The following RANBP17 variants were observed in gnomAD, a reference collection of about 807,000 sequenced individuals.
RANBP17 encodes RAN binding protein 17, also known as ran-binding protein 17.
In RANBP17, 158 loss-of-function variants were observed where a neutral mutation model predicts 141.2. The ratio of observed to expected loss-of-function variants is 1.12; its 90% CI spans 0.98 to 1.28. The LOEUF is 1.28. RANBP17 is among the 50% of genes most tolerant of loss of function. The probability of loss-of-function intolerance (pLI) is 0.00; values close to 1 mark genes in which losing one functional copy is unlikely to be tolerated. For synonymous variants in RANBP17, 430 were observed against 450.0 expected, an observed-to-expected ratio of 0.96 and a Z score of 0.56; for missense variants, 1,438 against 1,290.7, an observed-to-expected ratio of 1.11 and a Z score of -1.75.
intron 14 of RANBP17, among the ~76,000 whole-genome samples, chr5:171,130,121 A>C (rs970427998): frequency 2.6e-5 from 4 of 152,184 alleles, no homozygotes; most frequent in Non-Finnish European, 5.9e-5. Flanking sequence ...TGGAAGAACT[A>C]TATCATTGTT....
rs1340791805 is a variant in RANBP17, at chr5:171,180,181, A to G, written c.1866-2986A>G. Among the ~76,000 whole-genome samples the G allele has an allele frequency of 2.0e-5, 3 of 152,330 alleles. No homozygotes were observed. The East Asian group carries it at 5.8e-4, about 29-fold the overall frequency. ...TTAATGAATTGGTCCCTCCTAAAAT[A>G]AAATGTTTCCCTGTCCCTTCTGGGA... On this transcript the variant is annotated intron_variant, in intron 16 of 27. Coordinates refer to ENST00000523189, the MANE Select transcript of RANBP17 (RefSeq NM_022897.5).
rs1775594287 is a variant in RANBP17, at chr5:170,955,588, A to ATATATATATATATATGCTCAGTG, written c.1574+1901_1574+1902insGCTCAGTGTATATATATATATAT. 8.0e-5 allele frequency among the ~76,000 whole-genome samples: 6 copies of ATATATATATATATATGCTCAGTG among 74,870 alleles called. 1 individual carries two copies. Among genetic ancestry groups the ATATATATATATATATGCTCAGTG allele is most frequent in the Admixed American group, 2.9e-4 (2 of 6,942 alleles). 49.1% of individuals were successfully genotyped at this position (74,870 alleles called of 152,430 possible). On this transcript the variant is annotated intron_variant, in intron 13 of 27. Coordinates refer to ENST00000523189, the MANE Select transcript of RANBP17 (RefSeq NM_022897.5). ...ATATATGCTCAGTCTGTGTGTATATATATATATATATATATATATATGCTC... is the reference window on the plus strand; with the variant it reads ...ATATATGCTCAGTCTGTGTGTATATATATATATATATATATGCTCAGTGTATATATATATATATATATATGCTC...
chr5:171,138,915 A>G (rs1340857464), intron 14 of RANBP17, among the ~76,000 whole-genome samples: 4 of 152,038 alleles, frequency 2.6e-5, no homozygotes, highest in Non-Finnish European at 1.5e-5. Flanking sequence ...ATCTCTGCAA[A>G]AAATGGAAAA....
chr5:170,937,365 C>T (rs1040691278), intron 12 of RANBP17, among the ~76,000 whole-genome samples: 1 of 152,108 alleles, frequency 6.6e-6, no homozygotes, highest in African/African-American at 2.4e-5. Flanking sequence ...GGGTGTAACT[C>T]TTTGCATCAG....
At chr5:171,032,784 C>G (rs866626384) in intron 14 of RANBP17, among the ~76,000 whole-genome samples, 101 of 152,148 alleles carry the variant, frequency 6.6e-4, no homozygotes, top group African/African-American at 1.9e-3. Context: ...TCTCAAATTG[C>G]TTGCTTGCTA....
In RANBP17 at chr5:170,975,389, C is replaced by T. The variant is rs375304150; in HGVS notation, c.1710+7012C>T. ...ACTAAAAATACAAAATTTAGCCAGG[C>T]GTGGTGGCACGTGCCTGTAATCTCA... On this transcript the variant is annotated intron_variant, in intron 14 of 27. Coordinates refer to ENST00000523189, the MANE Select transcript of RANBP17 (RefSeq NM_022897.5). 4.2e-4 allele frequency among the ~76,000 whole-genome samples: 64 copies of T among 152,166 alleles called. 2 individuals carry two copies. The South Asian group carries it at 0.013, about 30-fold the overall frequency.
rs560725550 is a variant in RANBP17 at position 171,025,910 on chromosome 5, T to G, written c.1710+57533T>G. Among the ~76,000 whole-genome samples the G allele has an allele frequency of 2.0e-5, 3 of 152,294 alleles. No individual in the cohort carries two copies. The East Asian group carries it at 5.8e-4, about 29-fold the overall frequency. On this transcript the variant is annotated intron_variant, in intron 14 of 27. Transcript: ENST00000523189. Reference sequence around the variant, plus strand: ...GCCTATCCTTAGTCTTAAGTGCACTTATTACATCTGTGATTAATCACAACT... The same window carrying G: ...GCCTATCCTTAGTCTTAAGTGCACTGATTACATCTGTGATTAATCACAACT...
At chr5:171,107,418 C>A (rs1754928988) in intron 14 of RANBP17, among the ~76,000 whole-genome samples, 1 of 152,136 alleles carries the variant, frequency 6.6e-6, no homozygotes, top group Non-Finnish European at 1.5e-5. Flanking sequence ...TGAGTGCAAG[C>A]AACAAAGTTT....
At chr5:171,297,160 T>C (rs1454625672) in intron 27 of RANBP17, among the ~76,000 whole-genome samples, 1 of 152,198 alleles carries the variant, frequency 6.6e-6, no homozygotes, top group Non-Finnish European at 1.5e-5. Context: ...GGTATCTCAG[T>C]TGCCAATGAG....
intron 1 of RANBP17, 53 bp downstream of exon 1, chr5:170,862,104 G>C: frequency 7.0e-7 from 1 of 1,425,192 alleles, no homozygotes; most frequent in South Asian, 1.4e-5. Flanking sequence ...GGAACCCGGC[G>C]GGACGCGTCT....
intron 14 of RANBP17, among the ~76,000 whole-genome samples, chr5:171,093,895 A>G (rs1786491633): frequency 6.6e-6 from 1 of 152,224 alleles, no homozygotes. Context: ...TGAGGTAATG[A>G]ATGTAAAATA....
intron 14 of RANBP17, among the ~76,000 whole-genome samples, chr5:171,102,993 G>A (rs1468084427): frequency 2.6e-5 from 4 of 152,108 alleles, no homozygotes; most frequent in Admixed American, 1.3e-4. Context: ...GAGGGGTACC[G>A]GCCAGATGCG....
At chr5:171,030,777 C>T (rs1178011535) in intron 14 of RANBP17, among the ~76,000 whole-genome samples, 1 of 152,010 alleles carries the variant, frequency 6.6e-6, no homozygotes, top group South Asian at 2.1e-4. Context: ...GGAAGTAGCA[C>T]AGATTTCCAT....
At chr5:171,212,238 C>G (rs1424221429) in intron 20 of RANBP17, among the ~76,000 whole-genome samples, 1 of 152,164 alleles carries the variant, frequency 6.6e-6, no homozygotes, top group Non-Finnish European at 1.5e-5. Flanking sequence ...TAGAAATGCA[C>G]TATCTAATGG....
intron 5 of RANBP17, chr5:170,896,888 C>T (rs960024055): frequency 2.3e-5 from 13 of 570,232 alleles, no homozygotes; most frequent in Admixed American, 1.0e-4. Context: ...ATGCAGAGGC[C>T]GGCGCGGCTC....
chr5:171,186,687 C>T lies in RANBP17; in HGVS notation c.2038+3257C>T, dbSNP rs1429829787. ...AAGTAGCTGGGACTACAGGCGCCCG[C>T]CACTACGCCCGGCTAATTTTTTGTA... On this transcript the variant is annotated intron_variant, in intron 18 of 27. Coordinates refer to ENST00000523189, the MANE Select transcript of RANBP17 (RefSeq NM_022897.5). Among the ~76,000 whole-genome samples the T allele has an allele frequency of 7.3e-5, 11 of 149,692 alleles. 1 individual carries two copies. The highest frequency in any genetic ancestry group is 6.6e-4 in the Admixed American group (10 of 15,060).
intron 14 of RANBP17, among the ~76,000 whole-genome samples, chr5:171,067,101 T>C (rs992977857): frequency 4.6e-5 from 7 of 152,186 alleles, no homozygotes; most frequent in Admixed American, 1.3e-4. Context: ...CCTCCTATAC[T>C]GCCTTCTTCT....
chr5:171,183,753 A>G (rs1487079180), intron 18 of RANBP17, among the ~76,000 whole-genome samples: 1 of 152,208 alleles, frequency 6.6e-6, no homozygotes, highest in Non-Finnish European at 1.5e-5. Context: ...AAAACTTTAC[A>G]CACAAAGATT....
At chr5:170,933,096 A>G (rs1773541006) in intron 12 of RANBP17, among the ~76,000 whole-genome samples, 1 of 152,066 alleles carries the variant, frequency 6.6e-6, no homozygotes, top group East Asian at 1.9e-4. Flanking sequence ...AGAACCTGTT[A>G]TTGGTCTATT....
Sources: allele counts gnomAD v4.1 joint callset (sites outside exome capture counted in the v4.1 genomes callset), GRCh38; gene constraint gnomAD v4.1.1; transcripts MANE v1.5; gene names NCBI Gene and HGNC (gene_info 2026-07-23, HGNC 2026-07-21).